Variants in CYP4F11 observed in about 807,000 individuals in gnomAD.
The protein encoded by CYP4F11 is cytochrome P450 4F11.
In CYP4F11, 79 loss-of-function variants were observed where a neutral mutation model predicts 62.2. The observed-to-expected ratio is 1.27, with a 90% CI of 1.06 to 1.53. CYP4F11 has a LOEUF of 1.53. Ranked by LOEUF, CYP4F11 falls within the 40% of genes most tolerant of loss-of-function variation. The pLI is 0.00. For missense variants in CYP4F11, 777 were observed against 680.5 expected, an observed-to-expected ratio of 1.14 and a Z score of -1.58; for synonymous variants, 290 against 263.7, an observed-to-expected ratio of 1.10 and a Z score of -0.97.
chr19:15,934,009 G>A (rs1174430802), intron 1 of CYP4F11, among the ~76,000 whole-genome samples: 5 of 113,810 alleles, frequency 4.4e-5, no homozygotes, highest in African/African-American at 9.3e-5. Flanking sequence ...AGTGGGCAGA[G>A]GAATGAGTGA....
chr19:15,926,160 G>GA (rs59000790), intron 4 of CYP4F11, among the ~76,000 whole-genome samples: 89 of 145,158 alleles, frequency 6.1e-4, no homozygotes, highest in African/African-American at 1.2e-3. Flanking sequence ...TGAGACTCCA[G>GA]AAAAAAAAAA....
intron 8 of CYP4F11, among the ~76,000 whole-genome samples, chr19:15,921,762 G>A (rs2089630954): frequency 6.6e-6 from 1 of 152,182 alleles, no homozygotes; most frequent in South Asian, 2.1e-4. Flanking sequence ...TCAGTGAAAA[G>A]AGGAGGTGGA....
At chr19:15,926,993 A>G (rs999130532) in intron 4 of CYP4F11, among the ~76,000 whole-genome samples, 1 of 152,248 alleles carries the variant, frequency 6.6e-6, no homozygotes, top group African/African-American at 2.4e-5. Context: ...TGAGAGAAGC[A>G]TGGAAACTCA....
rs372143400 is a variant in CYP4F11 at position 15,924,859 on chromosome 19, T to C, written c.549A>G (p.Ser183=). Residue 183 remains serine (S), a synonymous_variant, in exon 5 of 12, where the codon TCA becomes TCG. Coordinates refer to ENST00000402119, the MANE Select transcript of CYP4F11 (RefSeq NM_021187.4). ...IMHDKWQRLA[S]EGSARLDMFE... Reference sequence around the variant, plus strand: ...ACATGTCCAGTCTGGCGCTGCCCTCTGAGGCCAGGCGCTGCCACTTGTCCT... The same window carrying C: ...ACATGTCCAGTCTGGCGCTGCCCTCCGAGGCCAGGCGCTGCCACTTGTCCT... 6.2e-7 allele frequency: 1 copy of C among 1,611,850 alleles called. No individual in the cohort carries two copies. The highest frequency in any genetic ancestry group is 1.1e-5 in the South Asian group (1 of 91,006).
At chr19:15,925,053 A>G (rs887030036) in intron 4 of CYP4F11, among the ~76,000 whole-genome samples, 171 bp from the exon 5 acceptor site, 2 of 152,288 alleles carry the variant, frequency 1.3e-5, no homozygotes, top group Middle Eastern at 3.4e-3. Context: ...TACTATTAGG[A>G]GATAAAGACT....
intron 1 of CYP4F11, among the ~76,000 whole-genome samples, chr19:15,930,547 G>A (rs548936388): frequency 2.9e-4 from 44 of 152,182 alleles, no homozygotes; most frequent in African/African-American, 8.4e-4. Flanking sequence ...AGCTGAGATC[G>A]CACCACTGCA....
intron 8 of CYP4F11, among the ~76,000 whole-genome samples, chr19:15,920,134 A>G (rs1174434595): frequency 6.6e-6 from 1 of 152,242 alleles, no homozygotes; most frequent in Non-Finnish European, 1.5e-5. Flanking sequence ...GGTGGATTTA[A>G]TCATTCTGCA....
intron 8 of CYP4F11, among the ~76,000 whole-genome samples, chr19:15,920,332 A>G (rs2089616104): frequency 6.6e-6 from 1 of 152,226 alleles, no homozygotes; most frequent in South Asian, 2.1e-4. Flanking sequence ...CTACTCACAC[A>G]GAAAAAGAGA....
At chr19:15,916,084 G>A (rs6512074) in intron 8 of CYP4F11, among the ~76,000 whole-genome samples, 82,503 of 151,740 alleles carry the variant, frequency 0.54, 22,999 homozygotes, top group Non-Finnish European at 0.61. Context: ...ATGATATCTA[G>A]GCAAATATTT....
At position 15,924,275 on chromosome 19, in the gene CYP4F11, T is replaced by C. The variant is rs569470239; in HGVS notation, c.648-193A>G. On this transcript the variant is annotated intron_variant, in intron 5 of 11. Coordinates refer to ENST00000402119, the MANE Select transcript of CYP4F11 (RefSeq NM_021187.4). ...TGCACCAAGGTACCCAGAGCATAGC[T>C]TGGACACCATGCTTCTCTCCCGTCT... 3.3e-5 allele frequency among the ~76,000 whole-genome samples: 5 copies of C among 152,266 alleles called. No individual in the cohort carries two copies. In the South Asian group the frequency reaches 1.0e-3, roughly 32 times the overall value.
intron 4 of CYP4F11, among the ~76,000 whole-genome samples, chr19:15,925,343 GT>G (rs2089660797): frequency 6.6e-6 from 1 of 152,120 alleles, no homozygotes; most frequent in Non-Finnish European, 1.5e-5. Context: ...GCCTCATGGG[GT>G]TATTAAAATT....
chr19:15,921,075 TC>T (rs746626166), intron 8 of CYP4F11, among the ~76,000 whole-genome samples: 2,257 of 18,650 alleles, frequency 0.12, 40 homozygotes, highest in Middle Eastern at 0.24. Context: ...TCTCTCTCTC[TC>T]TCTCTCTCTC....
Position 15,934,485 on chromosome 19 carries a change from A to G in CYP4F11, c.-77T>C. ...CCAGGAAGCTCCAAGGACAGTGGAA[A>G]GGGGCAAGGATGGGCAGTGCTGGAG... is the stretch of plus-strand genomic sequence containing the variant. On this transcript the variant is annotated 5_prime_UTR_variant, in exon 1 of 12. Coordinates refer to ENST00000402119, the MANE Select transcript of CYP4F11 (RefSeq NM_021187.4). 1.3e-6 allele frequency: 2 copies of G among 1,530,338 alleles called. No homozygotes were observed. The highest frequency in any genetic ancestry group is 1.8e-6 in the Non-Finnish European group (2 of 1,137,568). 94.8% of individuals were successfully genotyped at this position (1,530,338 alleles called of 1,614,324 possible).
intron 8 of CYP4F11, among the ~76,000 whole-genome samples, chr19:15,915,964 G>T (rs8106535): frequency 2.0e-5 from 3 of 151,694 alleles, no homozygotes; most frequent in African/African-American, 7.3e-5. Context: ...AACAAGAGAC[G>T]TAAAGTCTCT....
chr19:15,929,580 T>C lies in CYP4F11; in HGVS notation c.220A>G (p.Met74Val). Residue 74 changes from methionine (M) to valine (V), a missense_variant, in exon 2 of 12, where the codon ATG (methionine) becomes GTG (valine). By Grantham distance (21) the Met-to-Val change is conservative. Coordinates refer to ENST00000402119, the MANE Select transcript of CYP4F11 (RefSeq NM_021187.4). ...GTCACCAGCTGGGTCAATGTCTTCA[T>C]GCCCTCTTCCGTGGGAGTGACCTGA... ...QGLVTPTEEG[M>V]KTLTQLVTTY... 3 of 1,608,634 alleles carry C rather than the reference T, an allele frequency of 1.9e-6. No individual in the cohort carries two copies. The highest frequency in any genetic ancestry group is 2.5e-6 in the Non-Finnish European group (3 of 1,176,730).
At chr19:15,922,571 T>C (rs1215846059) in intron 6 of CYP4F11, 141 bp from the exon 7 acceptor site, 1 of 812,016 alleles carries the variant, frequency 1.2e-6, no homozygotes, top group Non-Finnish European at 2.0e-6. Context: ...TGTCTCTTGG[T>C]CACCACCATC....
Position 15,927,430 on chromosome 19 carries a change from C to A in CYP4F11, c.397G>T (p.Gly133Trp). Residue 133 changes from glycine (G) to tryptophan (W), a missense_variant and splice_region_variant, in exon 3 of 12, where the codon GGG becomes TGG. Coordinates refer to ENST00000402119, the MANE Select transcript of CYP4F11 (RefSeq NM_021187.4). ...AACCCCATTCACCTCAATTACTCAC[C>A]CAGCCAGGGCTTCAGGAAGCCATAG... ...IFYGFLKPWL[G>W]DGLLLSGGDK... The A allele has an allele frequency of 6.2e-7, 1 of 1,614,144 alleles. No individual in the cohort carries two copies. Among genetic ancestry groups the A allele is most frequent in the Middle Eastern group, 1.7e-4 (1 of 6,060 alleles).
chr19:15,927,504 C>G lies in CYP4F11; in HGVS notation c.344-21G>C, dbSNP rs2089679717. 7 of 1,612,774 alleles carry G rather than the reference C, an allele frequency of 4.3e-6. No homozygotes were observed. In the African/African-American group the frequency reaches 5.3e-5, roughly 12 times the overall value. ...AGCAGCTGACATGATTGAGGACCAT[C>G]AGTGGCCATGGAGAGGGGTGAGAGA... is the stretch of plus-strand genomic sequence containing the variant. On this transcript the variant is annotated intron_variant, in intron 2 of 11. Coordinates refer to ENST00000402119, the MANE Select transcript of CYP4F11 (RefSeq NM_021187.4).
In CYP4F11 at chr19:15,934,453, G is replaced by A. The variant is rs1234188252; in HGVS notation, c.-45C>T. 1.9e-6 allele frequency: 3 copies of A among 1,603,580 alleles called. No individual in the cohort carries two copies. Among genetic ancestry groups the A allele is most frequent in the Non-Finnish European group, 2.6e-6 (3 of 1,176,284 alleles). The stretch of plus-strand genomic sequence containing the variant: ...GGAGGGTGGGATCCTGAGGCCCAGG[G>A]AAGGGCCCAGGAAGCTCCAAGGACA... On this transcript the variant is annotated 5_prime_UTR_variant, in exon 1 of 12. Transcript: ENST00000402119.
Sources: allele counts gnomAD v4.1 joint callset (sites outside exome capture counted in the v4.1 genomes callset), GRCh38; gene constraint gnomAD v4.1.1; transcripts MANE v1.5; gene names NCBI Gene and HGNC (gene_info 2026-07-23, HGNC 2026-07-21).